PPIG: variants seen among roughly 807,000 people sequenced by gnomAD.
The protein encoded by PPIG is peptidylprolyl isomerase G.
Under a neutral mutation model 87.9 loss-of-function variants are expected in PPIG, and 26 were observed. That is an observed-to-expected ratio of 0.30 (90% CI 0.22 to 0.41). The LOEUF (loss-of-function observed/expected upper bound fraction) is 0.41, where lower values mean the gene tolerates loss of function less well. Ranked by LOEUF, PPIG falls within the 10% of genes least tolerant of loss-of-function variation. The pLI is 1.00. For synonymous variants in PPIG, 308 were observed against 276.5 expected (o/e 1.11, Z -1.13); for missense variants, 722 against 879.4 (o/e 0.82, Z 2.26).
chr2:169,626,876 A>G (rs930725255), intron 9 of PPIG, among the ~76,000 whole-genome samples: 5 of 147,992 alleles, frequency 3.4e-5, no homozygotes, highest in Non-Finnish European at 7.4e-5. Flanking sequence ...TGCCTGGTTA[A>G]TTTTTGTATC....
intron 1 of PPIG, among the ~76,000 whole-genome samples, chr2:169,592,444 A>G (rs573546736): frequency 6.6e-6 from 1 of 151,556 alleles, no homozygotes; most frequent in South Asian, 2.1e-4. Flanking sequence ...AGCTGGGACT[A>G]CAGGCGCCCA....
intron 9 of PPIG, among the ~76,000 whole-genome samples, chr2:169,626,828 G>A (rs1472614827): frequency 6.6e-6 from 1 of 151,936 alleles, no homozygotes; most frequent in African/African-American, 2.4e-5. Context: ...TCATGCCTTA[G>A]CCTTCTGAGT....
chr2:169,609,780 C>T (rs1161076018), intron 7 of PPIG, among the ~76,000 whole-genome samples: 1 of 152,150 alleles, frequency 6.6e-6, no homozygotes, highest in East Asian at 1.9e-4. Flanking sequence ...ATTTTGTAAT[C>T]ATCACAGTAA....
intron 9 of PPIG, among the ~76,000 whole-genome samples, chr2:169,628,939 CA>C (rs71006010): frequency 3.7e-3 from 344 of 92,104 alleles, no homozygotes; most frequent in East Asian, 7.9e-3. Flanking sequence ...ACCCTGTCTC[CA>C]AAAAAAAAAA....
intron 1 of PPIG, among the ~76,000 whole-genome samples, chr2:169,594,028 G>A (rs79159572): frequency 0.016 from 2,450 of 152,124 alleles, 61 homozygotes; most frequent in African/African-American, 0.054. Flanking sequence ...TGTTGAACCA[G>A]AGACAATTTC....
intron 9 of PPIG, among the ~76,000 whole-genome samples, chr2:169,628,970 G>GAAAAAAAA (rs1685969159): frequency 8.3e-6 from 1 of 119,774 alleles, no homozygotes; most frequent in African/African-American, 3.5e-5. Flanking sequence ...AAAAAAAAAG[G>GAAAAAAAA]CAAGGATAAA....
chr2:169,605,927 A>C, intron 4 of PPIG, 112 bp from the exon 5 acceptor site: 1 of 704,746 alleles, frequency 1.4e-6, no homozygotes, highest in South Asian at 1.9e-5. Flanking sequence ...AAAGGAATGA[A>C]AATATGATTT....
At chr2:169,594,469 G>A (rs552329818) in intron 1 of PPIG, among the ~76,000 whole-genome samples, 15 of 152,088 alleles carry the variant, frequency 9.9e-5, no homozygotes, top group Admixed American at 1.3e-4. Context: ...ACATTATGGT[G>A]TAAATCCTGT....
At chr2:169,608,262 G>A (rs868082228) in intron 6 of PPIG, among the ~76,000 whole-genome samples, 7 of 151,936 alleles carry the variant, frequency 4.6e-5, no homozygotes, top group Middle Eastern at 3.4e-3. Context: ...AGGCCGAGGC[G>A]GGCGGATCAC....
intron 1 of PPIG, among the ~76,000 whole-genome samples, chr2:169,593,650 CTT>C (rs57902378): frequency 6.2e-4 from 66 of 106,156 alleles, no homozygotes; most frequent in Middle Eastern, 5.2e-3. Flanking sequence ...TGCTTTATAT[CTT>C]TTTTTTTTTT....
chr2:169,590,720 C>T (rs1173767132), intron 1 of PPIG, among the ~76,000 whole-genome samples: 2 of 152,194 alleles, frequency 1.3e-5, no homozygotes, highest in Admixed American at 6.5e-5. Flanking sequence ...AACTAATTAT[C>T]TGGCTAATTT....
At position 169,637,308 on chromosome 2, in the gene PPIG, A is replaced by G. The variant is rs771222197; in HGVS notation, c.2050A>G (p.Arg684Gly). The change falls in exon 14 of 14, where the codon AGA becomes GGA. Residue 684 changes from arginine (R) to glycine (G), a missense_variant. Physicochemically the swap from Arg to Gly is moderately radical, Grantham distance 125. Around this residue, in one of 4 missense-constraint regions of PPIG, gnomAD observed 476 missense variants for 483.1 expected, o/e 0.99. Coordinates refer to ENST00000260970, the MANE Select transcript of PPIG (RefSeq NM_004792.3). ...TAACAGCAGGGAAAAAAAGGCTGAT[A>G]GAGATCAAAGTCCCTTCTCAAAAAT... The part of the protein sequence containing the change: ...SNNSREKKAD[R>G]DQSPFSKIKQ... 1 of 1,607,588 alleles carries G rather than the reference A, an allele frequency of 6.2e-7. No individual in the cohort carries two copies. Among genetic ancestry groups the G allele is most frequent in the Non-Finnish European group, 8.5e-7 (1 of 1,178,648 alleles).
At chr2:169,625,218 T>C (rs1430189550) in intron 9 of PPIG, among the ~76,000 whole-genome samples, 1 of 152,222 alleles carries the variant, frequency 6.6e-6, no homozygotes, top group Non-Finnish European at 1.5e-5. Context: ...TGAAACTTTG[T>C]ACCCTAGTTT....
chr2:169,616,206 C>T (rs894207493), intron 9 of PPIG, among the ~76,000 whole-genome samples: 2 of 152,090 alleles, frequency 1.3e-5, no homozygotes, highest in Admixed American at 6.6e-5. Context: ...GCATAGTATT[C>T]CATGGTGTAT....
At chr2:169,597,696 G>C (rs781743224) in intron 1 of PPIG, among the ~76,000 whole-genome samples, 1 of 151,742 alleles carries the variant, frequency 6.6e-6, no homozygotes, top group Non-Finnish European at 1.5e-5. Context: ...ACATGGTTTC[G>C]CCATGTTGGC....
intron 12 of PPIG, among the ~76,000 whole-genome samples, chr2:169,634,781 A>G (rs1289707991): frequency 6.6e-6 from 1 of 152,046 alleles, no homozygotes; most frequent in Non-Finnish European, 1.5e-5. Flanking sequence ...TTCAAGCTTT[A>G]CCCCTGCCAT....
intron 1 of PPIG, among the ~76,000 whole-genome samples, chr2:169,590,987 G>A (rs1162505253): frequency 1.3e-5 from 2 of 152,148 alleles, no homozygotes; most frequent in African/African-American, 4.8e-5. Flanking sequence ...AGCCTGAGCG[G>A]CATAGCGAGA....
In PPIG at chr2:169,637,556, C is replaced by T. The variant is rs780480492; in HGVS notation, c.*33C>T. The T allele has an allele frequency of 1.7e-5, 26 of 1,488,502 alleles. 1 individual carries two copies. The highest frequency in any genetic ancestry group is 1.9e-5 in the Non-Finnish European group (21 of 1,125,078). The allele number at this position is 1,488,502 out of a possible 1,614,324, so 92.2% of individuals were successfully genotyped here. On this transcript the variant is annotated 3_prime_UTR_variant, in exon 14 of 14. Transcript: ENST00000260970. ...ATATAAACTTACTTCCATTCTGTTT[C>T]GGATTTTAAGTTTGAGAGACTTGCT...
intron 9 of PPIG, among the ~76,000 whole-genome samples, chr2:169,617,948 G>A (rs2105504136): frequency 6.6e-6 from 1 of 152,238 alleles, no homozygotes; most frequent in East Asian, 1.9e-4. Flanking sequence ...CAAAGGGAAC[G>A]CTTCCAGCTT....
Sources: gnomAD v4.1 joint callset for allele counts (sites outside exome capture counted in the v4.1 genomes callset) on GRCh38, gnomAD v4.1.1 for gene constraint, gnomAD v4.1.1 regional missense constraint, MANE v1.5 for transcripts, NCBI Gene and HGNC (gene_info 2026-07-23, HGNC 2026-07-21) for gene names.